The following ARHGAP31 variants were observed in gnomAD, a reference collection of about 807,000 sequenced individuals.
The protein encoded by ARHGAP31 is rho GTPase-activating protein 31.
In ARHGAP31, 34 loss-of-function variants were observed where a neutral mutation model predicts 113.9. That is an observed-to-expected ratio of 0.30 (90% CI 0.23 to 0.40). The LOEUF (loss-of-function observed/expected upper bound fraction) is 0.40. Among genes scored for constraint, ARHGAP31 ranks in the 10% least tolerant of loss-of-function variants. The pLI is 1.00. For missense variants in ARHGAP31, 1,548 were observed against 1,767.1 expected (o/e 0.88, Z 2.22); for synonymous variants, 650 against 684.8 (o/e 0.95, Z 0.79).
At chr3:119,372,316 T>A (rs1431970499) in intron 3 of ARHGAP31, among the ~76,000 whole-genome samples, 1 of 147,580 alleles carries the variant, frequency 6.8e-6, no homozygotes, top group Non-Finnish European at 1.5e-5. Flanking sequence ...AGAGTCTCAC[T>A]CTTGTCACCC....
At chr3:119,364,454 A>T (rs1209884026) in intron 1 of ARHGAP31, among the ~76,000 whole-genome samples, 2 of 152,184 alleles carry the variant, frequency 1.3e-5, no homozygotes, top group Non-Finnish European at 2.9e-5. Flanking sequence ...ATTATTTTTT[A>T]CAAGCAACAA....
chr3:119,359,168 C>T (rs2080183697), intron 1 of ARHGAP31, among the ~76,000 whole-genome samples: 2 of 151,962 alleles, frequency 1.3e-5, no homozygotes, highest in African/African-American at 4.8e-5. Context: ...TAGGCGTGCA[C>T]CACCATGCCC....
At chr3:119,301,064 T>C (rs561539529) in intron 1 of ARHGAP31, among the ~76,000 whole-genome samples, 76 of 152,286 alleles carry the variant, frequency 5.0e-4, no homozygotes, top group African/African-American at 1.8e-3. Context: ...ACTGACTGGC[T>C]AACTTGAGGC....
At chr3:119,345,867 A>G (rs936825628) in intron 1 of ARHGAP31, among the ~76,000 whole-genome samples, 6 of 152,196 alleles carry the variant, frequency 3.9e-5, no homozygotes, top group Admixed American at 6.5e-5. Context: ...TAAAAAGGTG[A>G]CACCTATTCT....
chr3:119,358,261 T>C (rs1364981515), intron 1 of ARHGAP31, among the ~76,000 whole-genome samples: 1 of 152,194 alleles, frequency 6.6e-6, no homozygotes, highest in Non-Finnish European at 1.5e-5. Context: ...AGAAAAGATG[T>C]TCTACATTGT....
intron 11 of ARHGAP31, among the ~76,000 whole-genome samples, chr3:119,412,320 G>T (rs952945214): frequency 2.0e-5 from 3 of 151,948 alleles, no homozygotes; most frequent in Non-Finnish European, 4.4e-5. Flanking sequence ...CCCGGGAGGA[G>T]GAGGTTGCAA....
chr3:119,334,717 G>A (rs1429089067), intron 1 of ARHGAP31, among the ~76,000 whole-genome samples: 2 of 152,222 alleles, frequency 1.3e-5, no homozygotes, highest in East Asian at 3.8e-4. Flanking sequence ...CACGTTTATT[G>A]GAGGCTGACT....
rs72968486 is a variant in ARHGAP31 at position 119,409,939 on chromosome 3, T to G, written c.1926+163T>G. On this transcript the variant is annotated intron_variant, in intron 11 of 11. Coordinates refer to ENST00000264245, the MANE Select transcript of ARHGAP31 (RefSeq NM_020754.4). Reference sequence around the variant, plus strand: ...TTGTAATGAAGGTCTGAGATTTGTTTTGCAGTGGACTTTTCAGAAGTCCTG... The same window carrying G: ...TTGTAATGAAGGTCTGAGATTTGTTGTGCAGTGGACTTTTCAGAAGTCCTG... Among the ~76,000 whole-genome samples the G allele has an allele frequency of 0.023, 3,517 of 152,326 alleles. 139 individuals carry two copies. Among genetic ancestry groups the G allele is most frequent in the African/African-American group, 0.08 (3,322 of 41,552 alleles).
intron 1 of ARHGAP31, among the ~76,000 whole-genome samples, chr3:119,344,703 C>T (rs2080038588): frequency 6.6e-6 from 1 of 151,906 alleles, no homozygotes; most frequent in Non-Finnish European, 1.5e-5. Flanking sequence ...GATCATGGCT[C>T]ACGGCAGCCT....
intron 3 of ARHGAP31, among the ~76,000 whole-genome samples, chr3:119,376,267 T>C (rs1486104656): frequency 6.6e-6 from 1 of 152,192 alleles, no homozygotes; most frequent in Non-Finnish European, 1.5e-5. Context: ...GGTGGGCGGA[T>C]CACTTGAGGT....
intron 8 of ARHGAP31, among the ~76,000 whole-genome samples, chr3:119,395,635 T>C (rs1314054650): frequency 6.6e-6 from 1 of 152,162 alleles, no homozygotes; most frequent in East Asian, 1.9e-4. Context: ...AAATTCCCCT[T>C]GTCTCGGTAT....
chr3:119,386,752 G>A (rs952522969), intron 6 of ARHGAP31, among the ~76,000 whole-genome samples: 12 of 152,234 alleles, frequency 7.9e-5, no homozygotes, highest in African/African-American at 2.9e-4. Flanking sequence ...GGTAAAGAAT[G>A]TGAGTCACCT....
At chr3:119,343,980 G>A (rs1410913135) in intron 1 of ARHGAP31, among the ~76,000 whole-genome samples, 1 of 152,240 alleles carries the variant, frequency 6.6e-6, no homozygotes, top group Non-Finnish European at 1.5e-5. Flanking sequence ...GCAAATAGGA[G>A]TCAGAGAAAG....
chr3:119,309,168 G>A (rs531093560), intron 1 of ARHGAP31, among the ~76,000 whole-genome samples: 14 of 152,154 alleles, frequency 9.2e-5, no homozygotes, highest in Non-Finnish European at 1.8e-4. Flanking sequence ...TACACTGTTA[G>A]AAATACTCCC....
chr3:119,333,856 G>A (rs1025976767), intron 1 of ARHGAP31, among the ~76,000 whole-genome samples: 1 of 152,232 alleles, frequency 6.6e-6, no homozygotes, highest in South Asian at 2.1e-4. Context: ...TTTGTGAGAA[G>A]TTAAGTACTG....
chr3:119,382,935 T>C, intron 5 of ARHGAP31, 149 bp from the exon 6 acceptor site: 1 of 1,041,990 alleles, frequency 9.6e-7, no homozygotes. Flanking sequence ...CTTTGGAGAG[T>C]TCCTTTAATT....
intron 1 of ARHGAP31, among the ~76,000 whole-genome samples, chr3:119,312,086 AAG>A (rs1559962815): frequency 6.6e-6 from 1 of 152,246 alleles, no homozygotes; most frequent in Non-Finnish European, 1.5e-5. Context: ...TTCCAGGGAA[AAG>A]AGAGTGGTGA....
chr3:119,303,514 A>G (rs2079602781), intron 1 of ARHGAP31, among the ~76,000 whole-genome samples: 1 of 152,154 alleles, frequency 6.6e-6, no homozygotes, highest in Admixed American at 6.5e-5. Flanking sequence ...TGGTTGATGC[A>G]TACCAGGCCC....
intron 10 of ARHGAP31, among the ~76,000 whole-genome samples, chr3:119,403,303 T>G (rs1297793339): frequency 1.3e-5 from 2 of 152,194 alleles, no homozygotes; most frequent in Non-Finnish European, 2.9e-5. Flanking sequence ...GTCACTATTA[T>G]CCCCATTTCC....
Sources: gnomAD v4.1 joint callset for allele counts (sites outside exome capture counted in the v4.1 genomes callset) on GRCh38, gnomAD v4.1.1 for gene constraint, MANE v1.5 for transcripts, NCBI Gene and HGNC (gene_info 2026-07-23, HGNC 2026-07-21) for gene names.